Variants in POT1 observed in about 807,000 individuals in gnomAD.
POT1 encodes the protein protection of telomeres 1.
Under a neutral mutation model 78.5 loss-of-function variants are expected in POT1, and 47 were observed. The observed-to-expected ratio is 0.60, with a 90% CI of 0.47 to 0.76. The LOEUF is 0.76. POT1 is among the 30% of genes least tolerant of loss of function. The probability of loss-of-function intolerance (pLI) is 0.00; values close to 1 mark genes in which losing one functional copy is unlikely to be tolerated. For missense variants in POT1, 646 were observed against 749.9 expected, an observed-to-expected ratio of 0.86 and a Z score of 1.62; for synonymous variants, 259 against 260.7, an observed-to-expected ratio of 0.99 and a Z score of 0.06.
chr7:124,914,311 G>A (rs565731982), intron 3 of POT1, among the ~76,000 whole-genome samples: 12 of 151,906 alleles, frequency 7.9e-5, no homozygotes, highest in African/African-American at 1.9e-4. Context: ...GGTTGTTTTC[G>A]CAATTTGAAG....
At chr7:124,885,345 T>G (rs2116611040) in intron 6 of POT1, among the ~76,000 whole-genome samples, 1 of 147,822 alleles carries the variant, frequency 6.8e-6, no homozygotes. Flanking sequence ...TGGTGGCACA[T>G]GCTGCTAGTT....
At chr7:124,842,016 T>C (rs1795039512) in intron 13 of POT1, among the ~76,000 whole-genome samples, 1 of 151,942 alleles carries the variant, frequency 6.6e-6, no homozygotes, top group Non-Finnish European at 1.5e-5. Flanking sequence ...GATTGGAAAA[T>C]ATATGTATAT....
intron 3 of POT1, among the ~76,000 whole-genome samples, chr7:124,901,760 C>T (rs113028179): frequency 0.021 from 3,164 of 152,118 alleles, 109 homozygotes; most frequent in African/African-American, 0.072. Context: ...TTGAACCCAT[C>T]GCACATAAGC....
chr7:124,920,622 C>G (rs1198211113), intron 2 of POT1, among the ~76,000 whole-genome samples: 3 of 151,736 alleles, frequency 2.0e-5, no homozygotes, highest in Admixed American at 6.6e-5. Flanking sequence ...CAATAGAGAG[C>G]TGAAAAATTA....
In POT1 at chr7:124,863,446, T is replaced by C; in HGVS notation, c.450A>G (p.Leu150=). 6.2e-7 allele frequency: 1 copy of C among 1,613,968 alleles called. No individual in the cohort carries two copies. The highest frequency in any genetic ancestry group is 1.1e-5 in the South Asian group (1 of 91,068). ...TTGGCTGAACATCACACAATTTTAG[T>C]AATGTCCAAGACGGTGACATATGAG... ...ASTHMSPSWT[L]LKLCDVQPMQ... Residue 150 remains leucine, a synonymous_variant, in exon 8 of 19, where the codon TTA becomes TTG. Transcript: ENST00000357628.
intron 9 of POT1, among the ~76,000 whole-genome samples, chr7:124,855,320 A>G (rs994524642): frequency 1.6e-4 from 24 of 151,506 alleles, no homozygotes; most frequent in African/African-American, 5.6e-4. Context: ...TCTGAAATAA[A>G]TGTGGCAAAA....
At chr7:124,916,943 C>G (rs1797028605) in intron 2 of POT1, among the ~76,000 whole-genome samples, 1 of 151,764 alleles carries the variant, frequency 6.6e-6, no homozygotes, top group Non-Finnish European at 1.5e-5. Flanking sequence ...TCTTTCAGAA[C>G]AAAGGACTTA....
At chr7:124,853,487 AC>A (rs1795368012) in intron 9 of POT1, 1 of 158,450 alleles carries the variant, frequency 6.3e-6, no homozygotes, top group African/African-American at 2.4e-5. Flanking sequence ...CATTACCTAA[AC>A]GGAATTCAAG....
chr7:124,839,691 TAAG>T (rs2116457226), intron 14 of POT1, among the ~76,000 whole-genome samples: 1 of 152,312 alleles, frequency 6.6e-6, no homozygotes, highest in South Asian at 2.1e-4. Context: ...TTTTTTTAAA[TAAG>T]CCTTTTTTAA....
At chr7:124,917,687 T>C (rs1194817012) in intron 2 of POT1, among the ~76,000 whole-genome samples, 2 of 152,160 alleles carry the variant, frequency 1.3e-5, no homozygotes, top group Admixed American at 6.5e-5. Context: ...TCAAAGCAGG[T>C]GCTTTTGCTT....
At chr7:124,906,040 G>A (rs1796757796) in intron 3 of POT1, among the ~76,000 whole-genome samples, 1 of 152,078 alleles carries the variant, frequency 6.6e-6, no homozygotes, top group Admixed American at 6.5e-5. Flanking sequence ...ACTGTTGGTG[G>A]GACTGTAAAC....
At chr7:124,855,578 T>C (rs1422328398) in intron 9 of POT1, among the ~76,000 whole-genome samples, 3 of 151,266 alleles carry the variant, frequency 2.0e-5, no homozygotes, top group Non-Finnish European at 4.4e-5. Flanking sequence ...AGTATTAAGA[T>C]TCCAAAAATA....
chr7:124,837,913 T>G (rs537258509), intron 14 of POT1, among the ~76,000 whole-genome samples: 39 of 152,254 alleles, frequency 2.6e-4, no homozygotes, highest in African/African-American at 8.9e-4. Flanking sequence ...AATCAATTAA[T>G]GTAATTTATC....
At chr7:124,888,248 C>A (rs909054640) in intron 6 of POT1, among the ~76,000 whole-genome samples, 2 of 152,170 alleles carry the variant, frequency 1.3e-5, no homozygotes, top group East Asian at 3.9e-4. Context: ...TATTCTTGCA[C>A]CCTTGTCGAA....
chr7:124,853,940 A>G (rs889144844), intron 9 of POT1, among the ~76,000 whole-genome samples: 2 of 152,072 alleles, frequency 1.3e-5, no homozygotes, highest in African/African-American at 4.8e-5. Flanking sequence ...ATTTATGAAG[A>G]AAGATTTAGA....
chr7:124,921,059 A>C (rs1234036516), intron 2 of POT1, among the ~76,000 whole-genome samples: 1 of 152,138 alleles, frequency 6.6e-6, no homozygotes, highest in Non-Finnish European at 1.5e-5. Flanking sequence ...ATCATACCCC[A>C]GCACTCTAGC....
At chr7:124,864,880 T>C (rs1795683224) in intron 7 of POT1, among the ~76,000 whole-genome samples, 1 of 152,206 alleles carries the variant, frequency 6.6e-6, no homozygotes, top group Non-Finnish European at 1.5e-5. Flanking sequence ...GTTTACGTAT[T>C]TGCTATTTTT....
At chr7:124,877,351 T>C (rs1796012473) in intron 6 of POT1, among the ~76,000 whole-genome samples, 1 of 152,176 alleles carries the variant, frequency 6.6e-6, no homozygotes, top group Admixed American at 6.5e-5. Flanking sequence ...TCAGATATTT[T>C]ACCTCCACAG....
chr7:124,851,222 G>A (rs1429978390), intron 11 of POT1, among the ~76,000 whole-genome samples: 1 of 152,144 alleles, frequency 6.6e-6, no homozygotes, highest in African/African-American at 2.4e-5. Flanking sequence ...GATATCACTT[G>A]AGCCCAGGAG....
Sources: gnomAD v4.1 joint callset for allele counts (sites outside exome capture counted in the v4.1 genomes callset) on GRCh38, gnomAD v4.1.1 for gene constraint, MANE v1.5 for transcripts, NCBI Gene and HGNC (gene_info 2026-07-23, HGNC 2026-07-21) for gene names.